GATAD1: variants seen among roughly 807,000 people sequenced by gnomAD.
GATAD1 encodes the protein GATA zinc finger domain-containing protein 1.
GATAD1 carries 12 observed loss-of-function variants against 26.5 expected under a neutral mutation model. That is an observed-to-expected ratio of 0.45 (90% CI 0.29 to 0.73). The LOEUF (loss-of-function observed/expected upper bound fraction) is 0.73, where lower values mean the gene tolerates loss of function less well. GATAD1 is among the 30% of genes least tolerant of loss of function. The pLI is 0.10. For missense variants in GATAD1, 266 were observed against 342.1 expected (o/e 0.78, Z 1.75); for synonymous variants, 129 against 133.1 (o/e 0.97, Z 0.21).
rs200072145 is a variant in GATAD1 at position 92,448,801 on chromosome 7, A to G, written c.299A>G (p.Tyr100Cys). 1.2e-6 allele frequency: 2 copies of G among 1,610,314 alleles called. No homozygotes were observed. The highest frequency in any genetic ancestry group is 1.7e-6 in the Non-Finnish European group (2 of 1,176,556). The change falls in exon 2 of 5, where the codon TAC (tyrosine) becomes TGC (cysteine). Residue 100 changes from tyrosine to cysteine, a missense_variant. Tyr to Cys is a radical substitution (Grantham distance 194). Coordinates refer to ENST00000287957, the MANE Select transcript of GATAD1 (RefSeq NM_021167.5). ...RRSARLRNTK[Y>C]KSAPAAEKKV... The stretch of plus-strand genomic sequence containing the variant: ...TCTGCTCGGCTCAGAAACACTAAAT[A>G]CAAATCTGCTCCGGCTGCTGAAAAG...
chr7:92,469,387 G>T, the GATAD1 span: 1 of 676,894 alleles, frequency 1.5e-6, no homozygotes. Flanking sequence ...AGTACCTAGT[G>T]CACCTAGCAC....
At position 92,457,020 on chromosome 7, in the gene GATAD1, G is replaced by C. The variant is rs1480439442; in HGVS notation, c.*458G>C. 6.5e-6 allele frequency: 1 copy of C among 152,724 alleles called. No homozygotes were observed. Among genetic ancestry groups the C allele is most frequent in the Non-Finnish European group, 1.5e-5 (1 of 68,594 alleles). The allele number at this position is 152,724 out of a possible 1,614,324, so 9.5% of individuals were successfully genotyped here. On this transcript the variant is annotated 3_prime_UTR_variant, in exon 5 of 5. Coordinates refer to ENST00000287957, the MANE Select transcript of GATAD1 (RefSeq NM_021167.5). ...CTAAAAATACAAAAATTAGCCAGGT[G>C]TGGTGGCATGTGCCTGTAATCCCAG...
intron 4 of GATAD1, among the ~76,000 whole-genome samples, chr7:92,455,164 C>A (rs1283660891): frequency 6.6e-6 from 1 of 151,894 alleles, no homozygotes; most frequent in African/African-American, 2.4e-5. Flanking sequence ...TTATTAAGTA[C>A]AAAAAAATTA....
In GATAD1 at chr7:92,456,884, TG is replaced by T. The variant is rs1406025998; in HGVS notation, c.*323del. On this transcript the variant is annotated 3_prime_UTR_variant, in exon 5 of 5. Coordinates refer to ENST00000287957, the MANE Select transcript of GATAD1 (RefSeq NM_021167.5). The stretch of plus-strand genomic sequence containing the variant: ...AGGCACAGTGGCTTATGCCTGTAAT[TG>T]CAGCACTTTTAGAGGCCGAGGCAGG... The T allele has an allele frequency of 9.8e-6, 2 of 204,850 alleles. No individual in the cohort carries two copies. Among genetic ancestry groups the T allele is most frequent in the African/African-American group, 4.6e-5 (2 of 43,454 alleles). 12.7% of individuals were successfully genotyped at this position (204,850 alleles called of 1,614,324 possible).
At chr7:92,479,203 G>A in the GATAD1 span, among the ~76,000 whole-genome samples, 16 of 152,074 alleles carry the variant, frequency 1.1e-4, no homozygotes, top group East Asian at 1.9e-4. Context: ...TGTCACCCCC[G>A]TCCCTGTGAA....
the GATAD1 span, among the ~76,000 whole-genome samples, chr7:92,482,814 T>A: frequency 6.6e-6 from 1 of 152,134 alleles, no homozygotes. Flanking sequence ...TAAAAGAATG[T>A]TGTCCAAGTT....
chr7:92,462,427 A>G (rs1294920138), downstream of GATAD1, among the ~76,000 whole-genome samples: 1 of 152,066 alleles, frequency 6.6e-6, no homozygotes, highest in Non-Finnish European at 1.5e-5. Flanking sequence ...TATAAAGAAA[A>G]CTGGAACAAA....
the GATAD1 span, chr7:92,487,353 T>G: frequency 7.5e-6 from 5 of 666,288 alleles, no homozygotes; most frequent in African/African-American, 1.8e-5. Context: ...TTAACCAAAT[T>G]TGTTAAATTA....
the GATAD1 span, among the ~76,000 whole-genome samples, chr7:92,478,918 A>G: frequency 1.1e-4 from 16 of 152,102 alleles, no homozygotes; most frequent in Non-Finnish European, 2.2e-4. Context: ...GGCAACCCAC[A>G]TTTGCATATT....
the GATAD1 span, chr7:92,465,106 G>GA: frequency 3.9e-5 from 6 of 152,130 alleles, no homozygotes; most frequent in African/African-American, 1.4e-4. Context: ...CTACAGATAG[G>GA]AAAAATGAGG....
chr7:92,485,440 C>A, the GATAD1 span, among the ~76,000 whole-genome samples: 4 of 152,184 alleles, frequency 2.6e-5, no homozygotes, highest in African/African-American at 9.7e-5. Context: ...GTTTGAGTCA[C>A]CACAATATAG....
the GATAD1 span, chr7:92,489,525 A>G: frequency 9.0e-7 from 1 of 1,114,810 alleles, no homozygotes. Context: ...TCAAGAGACC[A>G]TACGTTCTCT....
chr7:92,452,745 A>G (rs985732394), intron 3 of GATAD1, among the ~76,000 whole-genome samples: 4 of 152,244 alleles, frequency 2.6e-5, no homozygotes, highest in African/African-American at 9.6e-5. Flanking sequence ...GGCACTGCCT[A>G]CCACTGGAAT....
the GATAD1 span, chr7:92,494,624 T>C: frequency 4.3e-5 from 69 of 1,613,838 alleles, 1 homozygote; most frequent in Non-Finnish European, 4.3e-5. Flanking sequence ...CTTTGCAGCC[T>C]GTGCTCTGGG....
chr7:92,454,966 ATCT>A (rs1789607107), intron 4 of GATAD1, among the ~76,000 whole-genome samples: 1 of 152,094 alleles, frequency 6.6e-6, no homozygotes, highest in South Asian at 2.1e-4. Context: ...TCTTTGGTGT[ATCT>A]TCTTATAAGG....
chr7:92,494,419 T>C, the GATAD1 span: 1 of 1,613,254 alleles, frequency 6.2e-7, no homozygotes, highest in South Asian at 1.1e-5. Flanking sequence ...AGAACATTTT[T>C]TTACCAAAAT....
intron 2 of GATAD1, chr7:92,449,295 TTTG>T (rs1351089117): frequency 6.4e-6 from 5 of 784,248 alleles, no homozygotes; most frequent in Non-Finnish European, 7.7e-6. Context: ...TGCATATTTA[TTTG>T]TTATTAAAGC....
At chr7:92,480,313 C>T in the GATAD1 span, among the ~76,000 whole-genome samples, 2 of 152,166 alleles carry the variant, frequency 1.3e-5, no homozygotes, top group South Asian at 2.1e-4. Context: ...TCTACCCAGA[C>T]CAAGAGGTAT....
At chr7:92,490,810 TA>T in the GATAD1 span, among the ~76,000 whole-genome samples, 1 of 152,230 alleles carries the variant, frequency 6.6e-6, no homozygotes, top group Non-Finnish European at 1.5e-5. Context: ...TGCCCACATT[TA>T]ATCAAAACAC....
Sources: allele counts gnomAD v4.1 joint callset (sites outside exome capture counted in the v4.1 genomes callset), GRCh38; gene constraint gnomAD v4.1.1; transcripts MANE v1.5; gene names NCBI Gene and HGNC (gene_info 2026-07-23, HGNC 2026-07-21).